DOK6: variants seen among roughly 807,000 people sequenced by gnomAD.
DOK6 encodes docking protein 6.
A neutral mutation model predicts 44.0 loss-of-function variants in DOK6; 22 were observed. The ratio of observed to expected loss-of-function variants is 0.50; its 90% CI spans 0.36 to 0.71. DOK6 has a LOEUF of 0.71. Ranked by LOEUF, DOK6 falls within the 30% of genes least tolerant of loss-of-function variation. The pLI is 0.00. For missense variants in DOK6, 340 were observed against 416.4 expected, an observed-to-expected ratio of 0.82 and a Z score of 1.60; for synonymous variants, 166 against 145.5, an observed-to-expected ratio of 1.14 and a Z score of -1.01.
rs564058132 is a variant in DOK6, at chr18:69,401,241, G to A, written c.-4G>A. On this transcript the variant is annotated 5_prime_UTR_variant, in exon 1 of 8. The change creates a premature stop within an existing upstream ORF in the 5' untranslated region. Transcript: ENST00000382713. ...CGGGGCGCAGGAGCCCGATCGCGCTGGCCATGGCCTCCAACTTTAACGACA... is the reference window on the plus strand; with the variant it reads ...CGGGGCGCAGGAGCCCGATCGCGCTAGCCATGGCCTCCAACTTTAACGACA... The A allele has an allele frequency of 6.4e-7, 1 of 1,567,520 alleles. No individual in the cohort carries two copies. The highest frequency in any genetic ancestry group is 2.5e-5 in the East Asian group (1 of 39,532).
At chr18:69,819,108 G>T (rs190454966) in intron 7 of DOK6, among the ~76,000 whole-genome samples, 42 of 152,210 alleles carry the variant, frequency 2.8e-4, no homozygotes, top group Non-Finnish European at 2.9e-5. Flanking sequence ...GTACACAAGG[G>T]TATTAGGCAG....
chr18:69,581,774 A>G (rs1983375116), intron 2 of DOK6, among the ~76,000 whole-genome samples: 1 of 152,226 alleles, frequency 6.6e-6, no homozygotes, highest in Admixed American at 6.5e-5. Flanking sequence ...GGCAAATGAG[A>G]TATAAATTAA....
chr18:69,538,425 C>T (rs1599180117), intron 1 of DOK6, among the ~76,000 whole-genome samples: 4 of 151,820 alleles, frequency 2.6e-5, no homozygotes, highest in East Asian at 1.9e-4. Context: ...CTCTGTTACC[C>T]GGGCTGGAGT....
chr18:69,658,876 A>T (rs1985437238), intron 3 of DOK6, among the ~76,000 whole-genome samples: 1 of 152,218 alleles, frequency 6.6e-6, no homozygotes, highest in Non-Finnish European at 1.5e-5. Flanking sequence ...CTATAAAAGT[A>T]AGCCTGCACA....
chr18:69,768,216 G>A (rs1234813030), intron 7 of DOK6, among the ~76,000 whole-genome samples: 2 of 152,056 alleles, frequency 1.3e-5, no homozygotes, highest in African/African-American at 4.8e-5. Context: ...TTAGTTCAGG[G>A]AAATGTCAAT....
At chr18:69,774,143 T>TATATATATGAGATATATATATATATGAG (rs1979987730) in intron 7 of DOK6, among the ~76,000 whole-genome samples, 1 of 126,982 alleles carries the variant, frequency 7.9e-6, no homozygotes, top group Non-Finnish European at 1.6e-5. Flanking sequence ...GATATATATA[T>TATATATATGAGATATATATATATATGAG]ATATATATAT....
chr18:69,451,721 C>A (rs1979472176), intron 1 of DOK6, among the ~76,000 whole-genome samples: 1 of 114,322 alleles, frequency 8.7e-6, no homozygotes, highest in Non-Finnish European at 1.8e-5. Context: ...TCTCTCAGAC[C>A]ACAGTGCAAT....
At chr18:69,767,773 C>A (rs1243549790) in intron 7 of DOK6, among the ~76,000 whole-genome samples, 1 of 152,158 alleles carries the variant, frequency 6.6e-6, no homozygotes, top group African/African-American at 2.4e-5. Flanking sequence ...GGACTAGAGG[C>A]GAGCAACAAG....
intron 1 of DOK6, among the ~76,000 whole-genome samples, chr18:69,503,026 C>T (rs1981088536): frequency 6.6e-6 from 1 of 152,034 alleles, no homozygotes; most frequent in Non-Finnish European, 1.5e-5. Flanking sequence ...AGTATTGTCA[C>T]ATATTTTTTC....
chr18:69,738,889 G>T, intron 5 of DOK6, 76 bp from the exon 6 acceptor site: 1 of 1,561,998 alleles, frequency 6.4e-7, no homozygotes. Context: ...AAGGGCAAGG[G>T]CTTTGTCTAC....
intron 1 of DOK6, among the ~76,000 whole-genome samples, chr18:69,434,874 A>T (rs1349013741): frequency 6.9e-6 from 1 of 144,600 alleles, no homozygotes; most frequent in South Asian, 2.3e-4. Context: ...ATGAGCCGTG[A>T]TCACGCCACT....
At position 69,476,069 on chromosome 18, in the gene DOK6, C is replaced by T. The variant is rs116669746; in HGVS notation, c.66+74759C>T. ...CCCTCTCACCTCCAATAGTCCCCAGCGTCTGCTGTTGCCGTCTTTATATCC... is the reference window on the plus strand; with the variant it reads ...CCCTCTCACCTCCAATAGTCCCCAGTGTCTGCTGTTGCCGTCTTTATATCC... On this transcript the variant is annotated intron_variant, in intron 1 of 7. Coordinates refer to ENST00000382713, the MANE Select transcript of DOK6 (RefSeq NM_152721.6). 7.0e-3 allele frequency among the ~76,000 whole-genome samples: 1,068 copies of T among 152,052 alleles called. 14 individuals are homozygous for T. The highest frequency in any genetic ancestry group is 0.023 in the African/African-American group (969 of 41,464).
chr18:69,763,392 C>T (rs928089214), intron 7 of DOK6, among the ~76,000 whole-genome samples: 4 of 152,124 alleles, frequency 2.6e-5, no homozygotes, highest in South Asian at 2.1e-4. Flanking sequence ...GTTTATATCA[C>T]GCTCATACTA....
chr18:69,445,306 C>T (rs1198772729), intron 1 of DOK6, among the ~76,000 whole-genome samples: 2 of 152,138 alleles, frequency 1.3e-5, no homozygotes, highest in Non-Finnish European at 2.9e-5. Flanking sequence ...TTTTTCTTAA[C>T]CAGTACTACT....
intron 3 of DOK6, among the ~76,000 whole-genome samples, chr18:69,644,071 C>T (rs549184703): frequency 3.3e-5 from 5 of 152,070 alleles, no homozygotes; most frequent in Non-Finnish European, 4.4e-5. Context: ...TGTCTGTTCA[C>T]GTATTTTGCC....
chr18:69,502,442 A>G (rs2144549368), intron 1 of DOK6, among the ~76,000 whole-genome samples: 1 of 152,212 alleles, frequency 6.6e-6, no homozygotes, highest in South Asian at 2.1e-4. Flanking sequence ...AACAAAGACA[A>G]AATGGTCAAG....
intron 1 of DOK6, among the ~76,000 whole-genome samples, chr18:69,547,150 G>T (rs561671345): frequency 6.6e-6 from 1 of 151,746 alleles, no homozygotes; most frequent in South Asian, 2.1e-4. Context: ...TGCCAGGCTG[G>T]AGTGCAGTGG....
chr18:69,598,573 G>A (rs73455900), intron 2 of DOK6, among the ~76,000 whole-genome samples: 143 of 152,062 alleles, frequency 9.4e-4, no homozygotes, highest in Middle Eastern at 3.4e-3. Flanking sequence ...GAAAAAATTC[G>A]CACCTTGATA....
At chr18:69,667,456 AC>A (rs759372257) in intron 3 of DOK6, among the ~76,000 whole-genome samples, 18 of 152,208 alleles carry the variant, frequency 1.2e-4, no homozygotes, top group Non-Finnish European at 2.5e-4. Context: ...GGGAAGCCTA[AC>A]AAAAACTTTC....
Sources: gnomAD v4.1 joint callset for allele counts (sites outside exome capture counted in the v4.1 genomes callset) on GRCh38, gnomAD v4.1.1 for gene constraint, MANE v1.5 for transcripts, NCBI Gene and HGNC (gene_info 2026-07-23, HGNC 2026-07-21) for gene names.